The following FAR1 variants were observed in gnomAD, a reference collection of about 807,000 sequenced individuals.
The protein encoded by FAR1 is fatty acyl-CoA reductase 1.
FAR1 carries 22 observed loss-of-function variants against 61.1 expected under a neutral mutation model. That is an observed-to-expected ratio of 0.36 (90% CI 0.26 to 0.51). The LOEUF is 0.51. FAR1 is among the 20% of genes least tolerant of loss of function. The probability of loss-of-function intolerance (pLI) is 0.95; values close to 1 mark genes in which losing one functional copy is unlikely to be tolerated. For missense variants in FAR1, 359 were observed against 626.9 expected, an observed-to-expected ratio of 0.57 and a Z score of 4.56; for synonymous variants, 206 against 209.7, an observed-to-expected ratio of 0.98 and a Z score of 0.15.
chr11:13,726,179 T>C (rs1441711524), intron 10 of FAR1, among the ~76,000 whole-genome samples: 1 of 152,082 alleles, frequency 6.6e-6, no homozygotes, highest in South Asian at 2.1e-4. Flanking sequence ...CATGTTTTAA[T>C]TCTATATATA....
chr11:13,707,216 A>T (rs1235254085), intron 3 of FAR1, among the ~76,000 whole-genome samples: 1 of 152,124 alleles, frequency 6.6e-6, no homozygotes, highest in East Asian at 1.9e-4. Context: ...TTCTGCATAT[A>T]TACTTTTGCT....
intron 2 of FAR1, among the ~76,000 whole-genome samples, chr11:13,698,969 T>C (rs1445196469): frequency 1.3e-5 from 2 of 152,232 alleles, no homozygotes; most frequent in African/African-American, 4.8e-5. Context: ...GCATACTCTA[T>C]GTTCCAGGCT....
intron 1 of FAR1, among the ~76,000 whole-genome samples, chr11:13,683,368 G>A (rs1298325785): frequency 2.6e-5 from 4 of 151,876 alleles, no homozygotes; most frequent in African/African-American, 9.7e-5. Flanking sequence ...ACTCCAGCCT[G>A]GCTGACAGAA....
At chr11:13,671,167 C>T (rs1348662208) in intron 1 of FAR1, among the ~76,000 whole-genome samples, 1 of 152,082 alleles carries the variant, frequency 6.6e-6, no homozygotes, top group South Asian at 2.1e-4. Context: ...ATCTGAGTGG[C>T]GTGGAGTGAA....
intron 1 of FAR1, among the ~76,000 whole-genome samples, chr11:13,676,806 G>A (rs1848073575): frequency 6.6e-6 from 1 of 152,190 alleles, no homozygotes; most frequent in Non-Finnish European, 1.5e-5. Flanking sequence ...TTGCTTTAAA[G>A]TGATACCCTT....
At chr11:13,723,891 A>C (rs1009991063) in intron 10 of FAR1, among the ~76,000 whole-genome samples, 2 of 152,176 alleles carry the variant, frequency 1.3e-5, no homozygotes, top group Admixed American at 1.3e-4. Context: ...AATGTTTCTT[A>C]AACAGTCTCT....
chr11:13,686,691 C>A (rs1258713505), intron 1 of FAR1: 1 of 139,206 alleles, frequency 7.2e-6, no homozygotes, highest in East Asian at 2.1e-4. Context: ...ATACTCCAAT[C>A]TCTCCTTTTA....
intron 7 of FAR1, 27 bp from the exon 8 acceptor site, chr11:13,712,939 T>A (rs1848516055): frequency 6.2e-7 from 1 of 1,600,374 alleles, no homozygotes; most frequent in African/African-American, 1.3e-5. Context: ...TTATTATGAT[T>A]AATTGGTTTC....
intron 3 of FAR1, among the ~76,000 whole-genome samples, chr11:13,703,012 T>C (rs1185588115): frequency 6.6e-6 from 1 of 152,252 alleles, no homozygotes; most frequent in East Asian, 1.9e-4. Context: ...AGCATCTATG[T>C]TCACTGACCT....
At chr11:13,690,769 G>A (rs144725810) in intron 1 of FAR1, among the ~76,000 whole-genome samples, 109 of 152,026 alleles carry the variant, frequency 7.2e-4, no homozygotes, top group East Asian at 5.8e-3. Flanking sequence ...AAAAAACAGC[G>A]TAGATTTTGA....
intron 1 of FAR1, among the ~76,000 whole-genome samples, chr11:13,688,186 AT>A (rs199877887): frequency 6.6e-5 from 10 of 151,836 alleles, no homozygotes; most frequent in Admixed American, 2.0e-4. Context: ...GCAAAAAAAA[AT>A]ATATATTTAG....
intron 10 of FAR1, among the ~76,000 whole-genome samples, chr11:13,725,748 G>A (rs900387393): frequency 5.9e-5 from 9 of 152,040 alleles, no homozygotes; most frequent in Non-Finnish European, 1.3e-4. Flanking sequence ...TATGTCTTTT[G>A]TAAGCAGCAT....
At position 13,711,711 on chromosome 11, in the gene FAR1, C is replaced by G. The variant is rs371720976; in HGVS notation, c.724-53C>G. 72 of 1,317,496 alleles carry G rather than the reference C, an allele frequency of 5.5e-5. No individual in the cohort carries two copies. The African/African-American group carries it at 9.9e-4, about 18-fold the overall frequency. The allele number at this position is 1,317,496 out of a possible 1,614,324, so 81.6% of individuals were successfully genotyped here. On this transcript the variant is annotated intron_variant, in intron 5 of 11. Transcript: ENST00000354817. The stretch of plus-strand genomic sequence containing the variant: ...GTTGTAGAGTTCAAATAATAAATCT[C>G]TAGCTTCATAATGTTTCTAAGCTTC...
At chr11:13,718,834 G>T (rs532630156) in intron 9 of FAR1, among the ~76,000 whole-genome samples, 1 of 152,110 alleles carries the variant, frequency 6.6e-6, no homozygotes. Flanking sequence ...AAGGGGGGAA[G>T]GGGACAGAGT....
Position 13,708,493 on chromosome 11 carries a change from T to A in FAR1, c.545+414T>A, listed in dbSNP as rs897168160. 6.9e-5 allele frequency among the ~76,000 whole-genome samples: 10 copies of A among 144,348 alleles called. 1 individual carries two copies. In the South Asian group the frequency reaches 1.8e-3, roughly 26 times the overall value. The allele number at this position is 144,348 out of a possible 152,430, so 94.7% of individuals were successfully genotyped here. On this transcript the variant is annotated intron_variant, in intron 4 of 11. Transcript: ENST00000354817. ...CACACACACATACATTTATCTCTTTTCTTCAAAAATTTTTGCATATCCCCT... is the reference window on the plus strand; with the variant it reads ...CACACACACATACATTTATCTCTTTACTTCAAAAATTTTTGCATATCCCCT...
intron 7 of FAR1, 100 bp downstream of exon 7, chr11:13,712,146 C>T (rs1848506317): frequency 1.2e-6 from 1 of 840,028 alleles, no homozygotes; most frequent in Admixed American, 1.9e-5. Context: ...CCAGATATTG[C>T]CATACCAATA....
At chr11:13,717,052 A>C (rs1461174333) in intron 9 of FAR1, among the ~76,000 whole-genome samples, 2 of 149,230 alleles carry the variant, frequency 1.3e-5, no homozygotes, top group African/African-American at 2.5e-5. Flanking sequence ...TCATTTTTGG[A>C]AAGTACAATC....
chr11:13,688,227 T>C (rs1285277867), intron 1 of FAR1, among the ~76,000 whole-genome samples: 1 of 144,392 alleles, frequency 6.9e-6, no homozygotes, highest in East Asian at 1.9e-4. Context: ...GGCATTATGC[T>C]AAGTTGTGGG....
intron 8 of FAR1, among the ~76,000 whole-genome samples, chr11:13,713,440 G>A (rs912144860): frequency 3.9e-5 from 6 of 152,108 alleles, no homozygotes; most frequent in Admixed American, 2.0e-4. Flanking sequence ...AGTAATAAAT[G>A]AAGGAGTTAG....
Sources: allele counts gnomAD v4.1 joint callset (sites outside exome capture counted in the v4.1 genomes callset), GRCh38; gene constraint gnomAD v4.1.1; transcripts MANE v1.5; gene names NCBI Gene and HGNC (gene_info 2026-07-23, HGNC 2026-07-21).